The following TMPRSS11D variants were observed in gnomAD, a reference collection of about 807,000 sequenced individuals.
TMPRSS11D encodes the protein transmembrane serine protease 11D.
In TMPRSS11D, 32 loss-of-function variants were observed where a neutral mutation model predicts 44.4. The ratio of observed to expected loss-of-function variants is 0.72; its 90% CI spans 0.54 to 0.97. The LOEUF (loss-of-function observed/expected upper bound fraction) is 0.97. Among genes scored for constraint, TMPRSS11D ranks in the 50% least tolerant of loss-of-function variants. The pLI is 0.00. For synonymous variants in TMPRSS11D, 179 were observed against 177.9 expected (o/e 1.01, Z -0.05); for missense variants, 446 against 502.6 (o/e 0.89, Z 1.08).
intron 1 of TMPRSS11D, among the ~76,000 whole-genome samples, chr4:67,873,641 T>A (rs1719111924): frequency 6.6e-6 from 1 of 152,214 alleles, no homozygotes; most frequent in African/African-American, 2.4e-5. Context: ...AGTGGATATG[T>A]GAATTGCCTA....
At chr4:67,825,374 A>G (rs148129436) in intron 9 of TMPRSS11D, among the ~76,000 whole-genome samples, 8 of 152,174 alleles carry the variant, frequency 5.3e-5, no homozygotes, top group Middle Eastern at 3.4e-3. Flanking sequence ...TGTGCCTGAT[A>G]TATTTAGTCT....
At chr4:67,841,488 G>C (rs1166551761) in intron 4 of TMPRSS11D, among the ~76,000 whole-genome samples, 1 of 152,150 alleles carries the variant, frequency 6.6e-6, no homozygotes, top group Non-Finnish European at 1.5e-5. Flanking sequence ...GGTTTCTTTG[G>C]ATTTTGTTAT....
intron 3 of TMPRSS11D, among the ~76,000 whole-genome samples, chr4:67,844,256 T>C (rs1718303140): frequency 6.6e-6 from 1 of 152,198 alleles, no homozygotes; most frequent in African/African-American, 2.4e-5. Context: ...TGGTAAAATT[T>C]ATGCAATCTC....
chr4:67,823,733 C>G (rs1448341552), intron 9 of TMPRSS11D, among the ~76,000 whole-genome samples: 1 of 152,094 alleles, frequency 6.6e-6, no homozygotes, highest in East Asian at 1.9e-4. Flanking sequence ...GCAAGTACTT[C>G]ATGAAGCTGG....
chr4:67,839,654 T>A (rs1718182981), intron 4 of TMPRSS11D, among the ~76,000 whole-genome samples: 1 of 151,752 alleles, frequency 6.6e-6, no homozygotes, highest in Admixed American at 6.6e-5. Flanking sequence ...TGAACTAGAA[T>A]GAAAAAAATG....
Position 67,825,826 on chromosome 4 carries a change from T to C in TMPRSS11D, c.1001A>G (p.Asn334Ser). ...LRQGQVRIIS[N>S]DVCNAPHSYN... ...ACTATGTGGTGCATTACATACATCA[T>C]TACTTATTATTCTGACCTGTCCTTG... The change falls in exon 9 of 10, where the codon AAT becomes AGT. Residue 334 changes from asparagine to serine, a missense_variant. Transcript: ENST00000283916. 6.2e-7 allele frequency: 1 copy of C among 1,613,206 alleles called. No individual in the cohort carries two copies.
intron 4 of TMPRSS11D, among the ~76,000 whole-genome samples, chr4:67,839,287 A>G (rs767336768): frequency 9.9e-5 from 15 of 152,150 alleles, no homozygotes; most frequent in Non-Finnish European, 1.6e-4. Flanking sequence ...TGCAGTTTAG[A>G]TGTAGAAACA....
chr4:67,832,355 T>C (rs536289360), intron 7 of TMPRSS11D, among the ~76,000 whole-genome samples: 1 of 152,276 alleles, frequency 6.6e-6, no homozygotes, highest in South Asian at 2.1e-4. Flanking sequence ...TGGTCTGCGA[T>C]GCCCCAGTAA....
intron 8 of TMPRSS11D, among the ~76,000 whole-genome samples, chr4:67,826,222 C>A (rs1366320038): frequency 6.6e-6 from 1 of 152,078 alleles, no homozygotes; most frequent in Non-Finnish European, 1.5e-5. Flanking sequence ...TTTAACCTAG[C>A]AGCAAAAGAG....
At chr4:67,831,106 C>T (rs1325428164) in intron 7 of TMPRSS11D, among the ~76,000 whole-genome samples, 1 of 152,026 alleles carries the variant, frequency 6.6e-6, no homozygotes, top group East Asian at 1.9e-4. Flanking sequence ...AGGAACTCTA[C>T]ACTAGTGAAG....
chr4:67,830,643 G>A lies in TMPRSS11D; in HGVS notation c.692+2561C>T, dbSNP rs147887908. Among the ~76,000 whole-genome samples, 733 of 151,924 alleles carry A rather than the reference G, an allele frequency of 4.8e-3. 9 individuals carry two copies. Among genetic ancestry groups the A allele is most frequent in the African/African-American group, 0.017 (692 of 41,464 alleles). Reference sequence around the variant, plus strand: ...TTTTTATATTCAACTTCTTTTGCTCGGAGTCTTTACAGTGAAGGTTCTGAA... The same window carrying A: ...TTTTTATATTCAACTTCTTTTGCTCAGAGTCTTTACAGTGAAGGTTCTGAA... On this transcript the variant is annotated intron_variant, in intron 7 of 9. Transcript: ENST00000283916.
chr4:67,864,745 A>G (rs966416075), intron 1 of TMPRSS11D, among the ~76,000 whole-genome samples: 4 of 151,990 alleles, frequency 2.6e-5, no homozygotes, highest in Non-Finnish European at 4.4e-5. Context: ...CAGATAAAAC[A>G]AGGTTTAAAT....
Position 67,833,318 on chromosome 4 carries a change from G to A in TMPRSS11D, c.578C>T (p.Ala193Val). 6.3e-7 allele frequency: 1 copy of A among 1,593,054 alleles called. No individual in the cohort carries two copies. Among genetic ancestry groups the A allele is most frequent in the South Asian group, 1.1e-5 (1 of 88,070 alleles). ...TTGCCACGGCCAGCTTCCCTCCTCAGCCTCAGTGCCTCCAAGGATTCTCTG... is the reference window on the plus strand; with the variant it reads ...TTGCCACGGCCAGCTTCCCTCCTCAACCTCAGTGCCTCCAAGGATTCTCTG... ...SEQRILGGTE[A>V]EEGSWPWQVS... The change falls in exon 7 of 10, where the codon GCT becomes GTT. Residue 193 changes from alanine to valine, a missense_variant. By Grantham distance (64) the Ala-to-Val change is moderately conservative. Transcript: ENST00000283916.
chr4:67,828,731 C>T (rs139806920), intron 7 of TMPRSS11D, among the ~76,000 whole-genome samples: 1 of 152,012 alleles, frequency 6.6e-6, no homozygotes, highest in South Asian at 2.1e-4. Context: ...TGAAATATGG[C>T]TTTACTAATA....
At chr4:67,837,062 G>C (rs1382817418) in intron 5 of TMPRSS11D, among the ~76,000 whole-genome samples, 1 of 152,072 alleles carries the variant, frequency 6.6e-6, no homozygotes, top group Non-Finnish European at 1.5e-5. Context: ...TATCTTGATT[G>C]TCAACACTCT....
rs564568459 is a variant in TMPRSS11D at position 67,859,407 on chromosome 4, C to A, written c.130+150G>T. The stretch of plus-strand genomic sequence containing the variant: ...CTGATTCAGTAAAAATACAGATATG[C>A]ATCTATATTTGGGGAAGAATTATAA... On this transcript the variant is annotated intron_variant, in intron 2 of 9. Coordinates refer to ENST00000283916, the MANE Select transcript of TMPRSS11D (RefSeq NM_004262.3). The A allele has an allele frequency of 1.8e-4, 168 of 939,660 alleles. No individual in the cohort carries two copies. In the African/African-American group the frequency reaches 2.6e-3, roughly 15 times the overall value. 58.2% of individuals were successfully genotyped at this position (939,660 alleles called of 1,614,324 possible).
Position 67,827,360 on chromosome 4 carries a change from T to A in TMPRSS11D, c.853A>T (p.Thr285Ser), listed in dbSNP as rs1717824796. 6.2e-7 allele frequency: 1 copy of A among 1,613,188 alleles called. No individual in the cohort carries two copies. Among genetic ancestry groups the A allele is most frequent in the South Asian group, 1.1e-5 (1 of 91,056 alleles). ...AGACACACACTATGGATATCTTTGG[T>A]AAAGGTGACACTGTTCTCAAGTCTC... Reference protein sequence around the residue: ...LVRLENSVTFTKDIHSVCLPA... With the variant: ...LVRLENSVTFSKDIHSVCLPA... Residue 285 changes from threonine (T) to serine (S), a missense_variant, in exon 8 of 10, where the codon ACC becomes TCC. Coordinates refer to ENST00000283916, the MANE Select transcript of TMPRSS11D (RefSeq NM_004262.3).
chr4:67,826,920 AAAACAAGC>A (rs1717807765), intron 8 of TMPRSS11D, among the ~76,000 whole-genome samples: 1 of 152,154 alleles, frequency 6.6e-6, no homozygotes, highest in Non-Finnish European at 1.5e-5. Flanking sequence ...TTGTCTCTAA[AAAACAAGC>A]AAACAAACAA....
chr4:67,852,101 A>G (rs571858744), intron 3 of TMPRSS11D, among the ~76,000 whole-genome samples: 7 of 152,256 alleles, frequency 4.6e-5, no homozygotes, highest in Admixed American at 6.5e-5. Flanking sequence ...CCTCTGCCCA[A>G]TGCTGCTTCC....
Sources: allele counts gnomAD v4.1 joint callset (sites outside exome capture counted in the v4.1 genomes callset), GRCh38; gene constraint gnomAD v4.1.1; transcripts MANE v1.5; gene names NCBI Gene and HGNC (gene_info 2026-07-23, HGNC 2026-07-21).